The following DYM variants were observed in gnomAD, a reference collection of about 807,000 sequenced individuals.
The protein encoded by DYM is dymeclin.
Under a neutral mutation model 93.1 loss-of-function variants are expected in DYM, and 78 were observed. That is an observed-to-expected ratio of 0.84 (90% CI 0.70 to 1.01). The LOEUF (loss-of-function observed/expected upper bound fraction) is 1.01, where lower values mean the gene tolerates loss of function less well. Among genes scored for constraint, DYM ranks in the 50% least tolerant of loss-of-function variants. The pLI, the probability that DYM is intolerant of heterozygous loss-of-function variation, is 0.00. For synonymous variants in DYM, 321 were observed against 319.7 expected (o/e 1.00, Z -0.04); for missense variants, 789 against 845.0 (o/e 0.93, Z 0.82).
chr18:49,380,632 C>A (rs1391456005), intron 3 of DYM, among the ~76,000 whole-genome samples: 1 of 152,192 alleles, frequency 6.6e-6, no homozygotes, highest in Non-Finnish European at 1.5e-5. Context: ...CCTCTATAAT[C>A]AAGAAATTGG....
chr18:49,257,680 AT>A (rs1337314448), intron 12 of DYM, among the ~76,000 whole-genome samples: 1 of 85,836 alleles, frequency 1.2e-5, no homozygotes, highest in South Asian at 3.5e-4. Context: ...GACTTTGGCT[AT>A]TTAAAAAAAA....
At position 49,440,335 on chromosome 18, in the gene DYM, A is replaced by ATATATGATATATAATATAG. The variant is rs1411456235; in HGVS notation, c.-53-9907_-53-9889dup. Among the ~76,000 whole-genome samples, 6 of 122,510 alleles carry ATATATGATATATAATATAG rather than the reference A, an allele frequency of 4.9e-5. 1 individual carries two copies. Among genetic ancestry groups the ATATATGATATATAATATAG allele is most frequent in the African/African-American group, 1.1e-4 (4 of 35,646 alleles). The allele number at this position is 122,510 out of a possible 152,430, so 80.4% of individuals were successfully genotyped here. On this transcript the variant is annotated intron_variant, in intron 1 of 17. Coordinates refer to ENST00000675505, the MANE Select transcript of DYM (RefSeq NM_001353214.3). ...TCCTCCTAAATATACATATACTATT[A>ATATATGATATATAATATAG]TATATGATATATAATATAGTATATG...
rs1053354869 is a variant in DYM at position 49,036,634 on chromosome 18, C to G, written c.*7421G>C. 6.6e-6 allele frequency among the ~76,000 whole-genome samples: 1 copy of G among 152,140 alleles called. No individual in the cohort carries two copies. Among genetic ancestry groups the G allele is most frequent in the African/African-American group, 2.4e-5 (1 of 41,422 alleles). ...TGCCATGACCACAGCTCACTGCAGC[C>G]TCTACCTCCTGGGCTCAGGTAATCC... On this transcript the variant is annotated 3_prime_UTR_variant, in exon 18 of 18. Transcript: ENST00000675505.
At chr18:49,179,119 T>C (rs2145431473) in intron 14 of DYM, among the ~76,000 whole-genome samples, 1 of 152,216 alleles carries the variant, frequency 6.6e-6, no homozygotes, top group East Asian at 1.9e-4. Context: ...TCACAAAGCT[T>C]TCTGAGAGCC....
At chr18:49,260,692 T>G (rs1010195356) in intron 11 of DYM, among the ~76,000 whole-genome samples, 1 of 152,152 alleles carries the variant, frequency 6.6e-6, no homozygotes, top group African/African-American at 2.4e-5. Flanking sequence ...AGACTAATGT[T>G]AGAGTTCCCA....
chr18:49,184,607 G>A (rs1191793031), intron 14 of DYM, among the ~76,000 whole-genome samples: 1 of 152,140 alleles, frequency 6.6e-6, no homozygotes, highest in African/African-American at 2.4e-5. Flanking sequence ...TGATAACTGA[G>A]ATGGCTGCTA....
intron 1 of DYM, among the ~76,000 whole-genome samples, chr18:49,458,756 T>G (rs1050016231): frequency 1.3e-5 from 2 of 152,116 alleles, no homozygotes; most frequent in African/African-American, 4.8e-5. Flanking sequence ...GGAGAATTGC[T>G]TGAACCCAGG....
chr18:49,090,605 A>G (rs1376490666), intron 17 of DYM, among the ~76,000 whole-genome samples: 2 of 152,230 alleles, frequency 1.3e-5, no homozygotes, highest in Non-Finnish European at 2.9e-5. Context: ...CATGCTCTAC[A>G]TGGATCAGGG....
At chr18:49,066,124 T>G (rs1255273646) in intron 17 of DYM, among the ~76,000 whole-genome samples, 1 of 150,802 alleles carries the variant, frequency 6.6e-6, no homozygotes, top group Non-Finnish European at 1.5e-5. Context: ...AGTAATCGCG[T>G]TTTTTGCCAT....
chr18:49,392,128 T>G (rs1177892465), intron 2 of DYM, among the ~76,000 whole-genome samples: 2 of 152,150 alleles, frequency 1.3e-5, no homozygotes, highest in African/African-American at 2.4e-5. Flanking sequence ...CATATATGTT[T>G]TGGTGGTTTA....
rs146976028 is a variant in DYM, at chr18:49,289,339, C to T, written c.764-2723G>A. The stretch of plus-strand genomic sequence containing the variant: ...TAAAACACATCACAAAGACAAGTAA[C>T]ATATGAAGAAGCAACATTCGTAACA... On this transcript the variant is annotated intron_variant, in intron 8 of 17. Coordinates refer to ENST00000675505, the MANE Select transcript of DYM (RefSeq NM_001353214.3). Among the ~76,000 whole-genome samples the T allele has an allele frequency of 5.6e-3, 544 of 96,496 alleles. 2 individuals are homozygous for T. Among genetic ancestry groups the T allele is most frequent in the African/African-American group, 0.019 (499 of 25,778 alleles). 63.3% of individuals were successfully genotyped at this position (96,496 alleles called of 152,430 possible).
chr18:49,100,142 A>G (rs535648563), intron 16 of DYM, among the ~76,000 whole-genome samples: 1 of 152,198 alleles, frequency 6.6e-6, no homozygotes, highest in African/African-American at 2.4e-5. Flanking sequence ...GGAAGGTTGT[A>G]AAGGCCAATA....
At chr18:49,046,494 GACATAC>G (rs2071590648) in intron 17 of DYM, among the ~76,000 whole-genome samples, 3 of 145,116 alleles carry the variant, frequency 2.1e-5, no homozygotes, top group Admixed American at 6.8e-5. Context: ...CACACACACA[GACATAC>G]ACAGACATGC....
Position 49,339,357 on chromosome 18 carries a change from G to A in DYM, c.495-5504C>T, listed in dbSNP as rs543767522. ...TGCTTCCTGCTATTCATGCCCTTGT[G>A]TAATCCCCTCCCCTCACAGAATACA... On this transcript the variant is annotated intron_variant, in intron 6 of 17. Coordinates refer to ENST00000675505, the MANE Select transcript of DYM (RefSeq NM_001353214.3). Among the ~76,000 whole-genome samples, 3 of 152,334 alleles carry A rather than the reference G, an allele frequency of 2.0e-5. No individual in the cohort carries two copies. The South Asian group carries it at 6.2e-4, about 32-fold the overall frequency.
At chr18:49,110,162 G>A (rs1407284594) in intron 16 of DYM, among the ~76,000 whole-genome samples, 2 of 152,110 alleles carry the variant, frequency 1.3e-5, no homozygotes, top group African/African-American at 4.8e-5. Flanking sequence ...ATTGTGATAG[G>A]GACTATGTGG....
chr18:49,451,368 G>T (rs2082502046), intron 1 of DYM, among the ~76,000 whole-genome samples: 1 of 152,142 alleles, frequency 6.6e-6, no homozygotes, highest in African/African-American at 2.4e-5. Context: ...TTCCCTTTAA[G>T]GAGTCAACCT....
intron 8 of DYM, among the ~76,000 whole-genome samples, chr18:49,314,941 G>A (rs1037764891): frequency 8.5e-5 from 13 of 152,332 alleles, no homozygotes; most frequent in African/African-American, 3.1e-4. Context: ...TGTCTGAGGG[G>A]TGGTGGCTCA....
In DYM at chr18:49,410,712, C is replaced by T. The variant is rs554002749; in HGVS notation, c.141-19067G>A. On this transcript the variant is annotated intron_variant, in intron 2 of 17. Transcript: ENST00000675505. ...TGTAGTCCCAGCTGCTCCTTGAGCC[C>T]TGGAGGTGGAGGCTGCAATGAGCTG... 2.0e-5 allele frequency among the ~76,000 whole-genome samples: 3 copies of T among 151,606 alleles called. No individual in the cohort carries two copies. The South Asian group carries it at 6.3e-4, about 32-fold the overall frequency.
Position 49,272,163 on chromosome 18 carries a change from G to A in DYM, c.1251+15C>T, listed in dbSNP as rs765318698. 5.0e-6 allele frequency: 8 copies of A among 1,610,890 alleles called. No individual in the cohort carries two copies. In the Admixed American group the frequency reaches 1.3e-4, roughly 27 times the overall value. The stretch of plus-strand genomic sequence containing the variant: ...TCTGTTAACTCTAACTCTAATCCAA[G>A]TAATGGTAACTTACCACTTCATGAA... On this transcript the variant is annotated intron_variant, in intron 11 of 17. Transcript: ENST00000675505.
Sources: allele counts gnomAD v4.1 joint callset (sites outside exome capture counted in the v4.1 genomes callset), GRCh38; gene constraint gnomAD v4.1.1; transcripts MANE v1.5; gene names NCBI Gene and HGNC (gene_info 2026-07-23, HGNC 2026-07-21).